TCP11L1: variants seen among roughly 807,000 people sequenced by gnomAD.
The protein encoded by TCP11L1 is T-complex protein 11-like protein 1.
TCP11L1 carries 28 observed loss-of-function variants against 48.9 expected under a neutral mutation model. The ratio of observed to expected loss-of-function variants is 0.57; its 90% confidence interval spans 0.42 to 0.78. TCP11L1 has a LOEUF of 0.78. Among genes scored for constraint, TCP11L1 ranks in the 30% least tolerant of loss-of-function variants. The pLI, the probability that TCP11L1 is intolerant of heterozygous loss-of-function variation, is 0.00. For synonymous variants in TCP11L1, 204 were observed against 231.9 expected, an observed-to-expected ratio of 0.88 and a Z score of 1.09; for missense variants, 505 against 613.4, an observed-to-expected ratio of 0.82 and a Z score of 1.87.
chr11:33,053,807 T>A (rs1186563542), intron 2 of TCP11L1, among the ~76,000 whole-genome samples: 2 of 152,134 alleles, frequency 1.3e-5, no homozygotes, highest in African/African-American at 4.8e-5. Context: ...AAGGACTTGA[T>A]GGTATTTTAA....
chr11:33,044,104 G>C, intron 2 of TCP11L1, 168 bp downstream of exon 2: 1 of 599,230 alleles, frequency 1.7e-6, no homozygotes, highest in South Asian at 3.4e-5. Flanking sequence ...CTAGCTACTT[G>C]TGGATTTTCA....
chr11:33,047,249 C>T (rs1477583225), intron 2 of TCP11L1, among the ~76,000 whole-genome samples: 1 of 151,116 alleles, frequency 6.6e-6, no homozygotes, highest in Non-Finnish European at 1.5e-5. Context: ...TCTGATGTAA[C>T]CGATGCAGAA....
intron 7 of TCP11L1, among the ~76,000 whole-genome samples, chr11:33,062,080 C>G (rs1854484063): frequency 6.6e-6 from 1 of 151,038 alleles, no homozygotes; most frequent in African/African-American, 2.4e-5. Context: ...GACTCTGTCT[C>G]AAAAAATAAA....
chr11:33,049,122 C>T (rs916298843), intron 2 of TCP11L1, among the ~76,000 whole-genome samples: 4 of 152,018 alleles, frequency 2.6e-5, no homozygotes, highest in South Asian at 4.2e-4. Flanking sequence ...TGGTGGCACA[C>T]GCCTGTAGTC....
chr11:33,041,423 G>A (rs1853828938), intron 1 of TCP11L1: 2 of 152,288 alleles, frequency 1.3e-5, no homozygotes, highest in South Asian at 2.1e-4. Flanking sequence ...GATGGGTCTC[G>A]AAAGGGAAAA....
Position 33,058,039 on chromosome 11 carries a change from G to A in TCP11L1, c.538G>A (p.Ala180Thr), listed in dbSNP as rs1018630199. 3.3e-5 allele frequency: 54 copies of A among 1,613,952 alleles called. No homozygotes were observed. Among genetic ancestry groups the A allele is most frequent in the Non-Finnish European group, 4.1e-5 (48 of 1,180,024 alleles). ...ENGALDISKL[A>T]EFIIGMMGTL... Reference sequence around the variant, plus strand: ...TGGGGCGCTAGACATTTCCAAGCTGGCAGAATTCATTATTGGCATGATGGG... The same window carrying A: ...TGGGGCGCTAGACATTTCCAAGCTGACAGAATTCATTATTGGCATGATGGG... Residue 180 changes from alanine (A) to threonine (T), a missense_variant, in exon 5 of 10, where the codon GCA becomes ACA. Around this residue, in one of 3 missense-constraint regions of TCP11L1, gnomAD observed 335 missense variants for 413.3 expected, o/e 0.81. Transcript: ENST00000334274.
chr11:33,064,614 A>G (rs899663976), intron 7 of TCP11L1, among the ~76,000 whole-genome samples: 1 of 152,032 alleles, frequency 6.6e-6, no homozygotes, highest in African/African-American at 2.4e-5. Context: ...GAGGCTTTAG[A>G]TTGTTCTCTG....
At chr11:33,049,962 T>G (rs1371157236) in intron 2 of TCP11L1, among the ~76,000 whole-genome samples, 1 of 152,210 alleles carries the variant, frequency 6.6e-6, no homozygotes, top group Admixed American at 6.5e-5. Context: ...CTGGCTTTCC[T>G]AGGCAGAGGC....
At chr11:33,060,920 G>A (rs1057454738) in intron 6 of TCP11L1, among the ~76,000 whole-genome samples, 2 of 152,000 alleles carry the variant, frequency 1.3e-5, no homozygotes, top group Non-Finnish European at 2.9e-5. Flanking sequence ...ATACCAGGTG[G>A]GTGGCAAGGC....
intron 9 of TCP11L1, among the ~76,000 whole-genome samples, chr11:33,070,510 A>T (rs1462762912): frequency 2.7e-5 from 4 of 150,920 alleles, no homozygotes; most frequent in African/African-American, 9.8e-5. Context: ...ACATGTAGAA[A>T]CTCCGCCTTT....
In TCP11L1 at chr11:33,066,019, G is replaced by A; in HGVS notation, c.1154+8G>A. 6.2e-7 allele frequency: 1 copy of A among 1,613,694 alleles called. No homozygotes were observed. Among genetic ancestry groups the A allele is most frequent in the Non-Finnish European group, 8.5e-7 (1 of 1,179,690 alleles). ...AACAGATATGCACCTGCCGTAAGTG[G>A]AACTTTGATGCGTGGATGGGACGCA... On this transcript the variant is annotated splice_region_variant and intron_variant, in intron 8 of 9. Transcript: ENST00000334274.
chr11:33,068,313 T>G (rs944574892), intron 8 of TCP11L1, among the ~76,000 whole-genome samples: 2 of 151,860 alleles, frequency 1.3e-5, no homozygotes, highest in African/African-American at 4.8e-5. Flanking sequence ...TCTCTCTCCC[T>G]CTTGTCCCAC....
intron 3 of TCP11L1, chr11:33,056,555 T>C (rs1349715545): frequency 6.0e-6 from 1 of 166,878 alleles, no homozygotes; most frequent in African/African-American, 2.4e-5. Context: ...TGAATTGTTA[T>C]CTTATTATTA....
intron 7 of TCP11L1, among the ~76,000 whole-genome samples, chr11:33,063,698 T>A (rs973524103): frequency 6.6e-6 from 1 of 152,188 alleles, no homozygotes. Flanking sequence ...AGACTCCCCC[T>A]CTCTTTTTGG....
chr11:33,069,854 G>A (rs2133749962), intron 9 of TCP11L1, among the ~76,000 whole-genome samples: 1 of 152,236 alleles, frequency 6.6e-6, no homozygotes. Context: ...TGATCCGCCT[G>A]CCTCAGCCTC....
chr11:33,049,736 A>G (rs969133872), intron 2 of TCP11L1, among the ~76,000 whole-genome samples: 2 of 152,192 alleles, frequency 1.3e-5, no homozygotes, highest in Non-Finnish European at 2.9e-5. Context: ...TAAATAGAAC[A>G]TACAATTGGG....
chr11:33,051,288 C>T (rs1009790819), intron 2 of TCP11L1, among the ~76,000 whole-genome samples: 2 of 152,054 alleles, frequency 1.3e-5, no homozygotes, highest in African/African-American at 4.8e-5. Flanking sequence ...TTGCCTCAGC[C>T]TCCCAAGTAG....
At position 33,047,253 on chromosome 11, in the gene TCP11L1, TGCAGAATATTGAAAAAG is replaced by T. The variant is rs556593042; in HGVS notation, c.163+3319_163+3335del. Among the ~76,000 whole-genome samples, 173 of 151,570 alleles carry T rather than the reference TGCAGAATATTGAAAAAG, an allele frequency of 1.1e-3. 2 individuals carry two copies. Among genetic ancestry groups the T allele is most frequent in the African/African-American group, 4.0e-3 (165 of 41,334 alleles). ...AAGAGTAGAATTCTGATGTAACCGATGCAGAATATTGAAAAAGGAAAAATGGCTGGCTTGTAAAAAAT... is the reference window on the plus strand; with the variant it reads ...AAGAGTAGAATTCTGATGTAACCGATGAAAAATGGCTGGCTTGTAAAAAAT... On this transcript the variant is annotated intron_variant, in intron 2 of 9. Transcript: ENST00000334274.
At chr11:33,069,418 TGAA>T (rs1854712983) in intron 9 of TCP11L1, among the ~76,000 whole-genome samples, 1 of 151,680 alleles carries the variant, frequency 6.6e-6, no homozygotes, top group Admixed American at 6.6e-5. Context: ...ATAATAAACT[TGAA>T]GTATTAAAAT....
Sources: gnomAD v4.1 joint callset for allele counts (sites outside exome capture counted in the v4.1 genomes callset) on GRCh38, gnomAD v4.1.1 for gene constraint, gnomAD v4.1.1 regional missense constraint, MANE v1.5 for transcripts, NCBI Gene and HGNC (gene_info 2026-07-23, HGNC 2026-07-21) for gene names.